Variants in INPP4B observed in about 807,000 individuals in gnomAD.
INPP4B encodes the protein inositol polyphosphate-4-phosphatase type II B.
A neutral mutation model predicts 122.5 loss-of-function variants in INPP4B; 55 were observed. That is an observed-to-expected ratio of 0.45 (90% confidence interval 0.36 to 0.56). The LOEUF is 0.56. INPP4B is among the 20% of genes least tolerant of loss of function. The pLI is 0.00. For synonymous variants in INPP4B, 403 were observed against 388.7 expected (o/e 1.04, Z -0.43); for missense variants, 1,000 against 1,097.7 (o/e 0.91, Z 1.26).
chr4:142,706,328 C>T (rs554588957), intron 2 of INPP4B, among the ~76,000 whole-genome samples: 6 of 152,088 alleles, frequency 3.9e-5, no homozygotes, highest in Admixed American at 2.6e-4. Context: ...GAGAGAGTGG[C>T]GGATATGTAT....
At position 142,832,886 on chromosome 4, in the gene INPP4B, A is replaced by C. The variant is rs1782332398; in HGVS notation, c.-254+13323T>G. Among the ~76,000 whole-genome samples, 6 of 152,300 alleles carry C rather than the reference A, an allele frequency of 3.9e-5. No individual in the cohort carries two copies. The South Asian group carries it at 1.2e-3, about 32-fold the overall frequency. ...TTTTTAAGTCAAGTTTTAGGTCTTA[A>C]GCAGCCATAAAGTGTATTAAAATAA... On this transcript the variant is annotated intron_variant, in intron 1 of 25. Transcript: ENST00000262992.
Position 142,173,613 on chromosome 4 carries a change from G to A in INPP4B, c.1359+19C>T, listed in dbSNP as rs1449155468. 6.2e-7 allele frequency: 1 copy of A among 1,601,954 alleles called. No homozygotes were observed. Among genetic ancestry groups the A allele is most frequent in the South Asian group, 1.1e-5 (1 of 90,370 alleles). Reference sequence around the variant, plus strand: ...TGAGTATTTCATTTTCCCAACTATAGTGATGATTTGGATCTTACTTTTTCT... The same window carrying A: ...TGAGTATTTCATTTTCCCAACTATAATGATGATTTGGATCTTACTTTTTCT... On this transcript the variant is annotated intron_variant, in intron 16 of 25. Coordinates refer to ENST00000262992, the MANE Select transcript of INPP4B (RefSeq NM_001101669.3).
chr4:142,358,650 T>TAAAAAA (rs11443003), intron 7 of INPP4B, among the ~76,000 whole-genome samples: 2 of 117,672 alleles, frequency 1.7e-5, no homozygotes, highest in Non-Finnish European at 1.7e-5. Flanking sequence ...CAGTGATTTA[T>TAAAAAA]AAAAAAAAAA....
Position 142,144,643 on chromosome 4 carries a change from T to C in INPP4B, c.1720+1197A>G, listed in dbSNP as rs1488613392. Among the ~76,000 whole-genome samples the C allele has an allele frequency of 2.6e-5, 4 of 152,072 alleles. No homozygotes were observed. The South Asian group carries it at 8.3e-4, about 31-fold the overall frequency. Reference sequence around the variant, plus strand: ...AAGAAAATCCCTACATACAGTTAGATCAAGTAAGTGTGAACATAAAGAACA... The same window carrying C: ...AAGAAAATCCCTACATACAGTTAGACCAAGTAAGTGTGAACATAAAGAACA... On this transcript the variant is annotated intron_variant, in intron 18 of 25. Transcript: ENST00000262992.
intron 1 of INPP4B, among the ~76,000 whole-genome samples, chr4:142,755,771 C>A (rs1055110814): frequency 6.6e-6 from 1 of 151,930 alleles, no homozygotes; most frequent in Non-Finnish European, 1.5e-5. Context: ...TAAAAAAAGC[C>A]AGAATCTCTA....
intron 2 of INPP4B, among the ~76,000 whole-genome samples, chr4:142,723,162 A>G (rs575110119): frequency 6.6e-6 from 1 of 152,256 alleles, no homozygotes; most frequent in East Asian, 1.9e-4. Context: ...AATTGTGTTT[A>G]CAGAAAGCCT....
rs368600069 is a variant in INPP4B, at chr4:142,042,508, A to ATGTG, written c.2643-13598_2643-13595dup. On this transcript the variant is annotated intron_variant, in intron 25 of 25. Transcript: ENST00000262992. Reference sequence around the variant, plus strand: ...CAACCCCCTTTTCCACTGCCAATTTATGTGTGTGTGTATGTATGTATGTAT... The same window carrying ATGTG: ...CAACCCCCTTTTCCACTGCCAATTTATGTGTGTGTGTGTGTATGTATGTATGTAT... Among the ~76,000 whole-genome samples, 42 of 142,434 alleles carry ATGTG rather than the reference A, an allele frequency of 2.9e-4. 1 individual carries two copies. Among genetic ancestry groups the ATGTG allele is most frequent in the African/African-American group, 9.9e-4 (37 of 37,316 alleles). 93.4% of individuals were successfully genotyped at this position (142,434 alleles called of 152,430 possible). A position where few individuals can be genotyped will look rare whatever the true frequency, so the allele number is the denominator to read the frequency against.
chr4:142,057,919 T>C lies in INPP4B; in HGVS notation c.2642+24112A>G, dbSNP rs1758554262. On this transcript the variant is annotated intron_variant, in intron 25 of 25. Coordinates refer to ENST00000262992, the MANE Select transcript of INPP4B (RefSeq NM_001101669.3). Reference sequence around the variant, plus strand: ...AAGAAAGCATCATAGGGTGTCAGCTTCCTCCTGTGAGCATGTATTGCACTT... The same window carrying C: ...AAGAAAGCATCATAGGGTGTCAGCTCCCTCCTGTGAGCATGTATTGCACTT... Among the ~76,000 whole-genome samples, 3 of 152,236 alleles carry C rather than the reference T, an allele frequency of 2.0e-5. No homozygotes were observed. The South Asian group carries it at 6.2e-4, about 32-fold the overall frequency.
intron 8 of INPP4B, among the ~76,000 whole-genome samples, chr4:142,306,545 T>C (rs1175907349): frequency 2.0e-5 from 3 of 152,210 alleles, no homozygotes; most frequent in South Asian, 4.1e-4. Context: ...GGTAATGGCA[T>C]CTTTTTCGAG....
At chr4:142,662,560 C>A (rs1755394833) in intron 2 of INPP4B, among the ~76,000 whole-genome samples, 1 of 152,084 alleles carries the variant, frequency 6.6e-6, no homozygotes, top group African/African-American at 2.4e-5. Context: ...TAGCCCCCAC[C>A]AAAGGAACTT....
At chr4:142,058,606 T>G (rs1758936533) in intron 25 of INPP4B, among the ~76,000 whole-genome samples, 1 of 152,080 alleles carries the variant, frequency 6.6e-6, no homozygotes, top group Non-Finnish European at 1.5e-5. Context: ...ATTTAACACT[T>G]ATGAAATACT....
At chr4:142,383,410 C>T (rs1302965331) in intron 7 of INPP4B, among the ~76,000 whole-genome samples, 4 of 152,126 alleles carry the variant, frequency 2.6e-5, no homozygotes, top group African/African-American at 9.6e-5. Flanking sequence ...AGAATAACTG[C>T]TTACCACCTA....
chr4:142,644,564 G>C (rs1004963163), intron 2 of INPP4B, among the ~76,000 whole-genome samples: 5 of 151,578 alleles, frequency 3.3e-5, no homozygotes, highest in South Asian at 2.1e-4. Context: ...AGAACATTCA[G>C]TTCCAGGAAA....
In INPP4B at chr4:142,629,903, T is replaced by C. The variant is rs144508090; in HGVS notation, c.-191+95936A>G. On this transcript the variant is annotated intron_variant, in intron 2 of 25. Transcript: ENST00000262992. ...TAGAGAAACTGACCAGAGCAATGTG[T>C]CCAAGGTTGGATGTAGGATTTAAGC... Among the ~76,000 whole-genome samples, 3 of 152,160 alleles carry C rather than the reference T, an allele frequency of 2.0e-5. No homozygotes were observed. The East Asian group carries it at 5.8e-4, about 29-fold the overall frequency.
chr4:142,691,314 C>A (rs1015915300), intron 2 of INPP4B, among the ~76,000 whole-genome samples: 6 of 151,858 alleles, frequency 4.0e-5, no homozygotes, highest in South Asian at 2.1e-4. Context: ...GTCCAAAATG[C>A]CGACAAGGGC....
intron 2 of INPP4B, among the ~76,000 whole-genome samples, chr4:142,501,863 C>T (rs1823417356): frequency 3.9e-5 from 6 of 152,126 alleles, no homozygotes; most frequent in Admixed American, 3.3e-4. Context: ...AAAAGAATAC[C>T]GGACCATGAA....
chr4:142,769,634 G>C (rs1159595007), intron 1 of INPP4B, among the ~76,000 whole-genome samples: 1 of 152,056 alleles, frequency 6.6e-6, no homozygotes, highest in Non-Finnish European at 1.5e-5. Flanking sequence ...GCAAATACCA[G>C]CCAGGTATGG....
At chr4:142,343,408 T>C (rs1254534873) in intron 7 of INPP4B, among the ~76,000 whole-genome samples, 2 of 151,984 alleles carry the variant, frequency 1.3e-5, no homozygotes, top group Non-Finnish European at 2.9e-5. Flanking sequence ...TAGATAGATA[T>C]AGGGCATTTA....
chr4:142,498,699 G>A (rs929581753), intron 2 of INPP4B, among the ~76,000 whole-genome samples: 30 of 152,074 alleles, frequency 2.0e-4, no homozygotes, highest in Admixed American at 2.0e-3. Flanking sequence ...GTTGAGATTG[G>A]AAGATTGCTT....
Sources: gnomAD v4.1 joint callset for allele counts (sites outside exome capture counted in the v4.1 genomes callset) on GRCh38, gnomAD v4.1.1 for gene constraint, MANE v1.5 for transcripts, NCBI Gene and HGNC (gene_info 2026-07-23, HGNC 2026-07-21) for gene names.